TTC3: variants seen among roughly 807,000 people sequenced by gnomAD.
TTC3 encodes the protein E3 ubiquitin-protein ligase TTC3.
A neutral mutation model predicts 249.6 loss-of-function variants in TTC3; 180 were observed. The ratio of observed to expected loss-of-function variants is 0.72; its 90% CI spans 0.64 to 0.82. TTC3 has a LOEUF of 0.82. TTC3 is among the 40% of genes least tolerant of loss of function. The probability of loss-of-function intolerance (pLI) is 0.00; values close to 1 mark genes in which losing one functional copy is unlikely to be tolerated. For missense variants in TTC3, 2,061 were observed against 2,398.4 expected (o/e 0.86, Z 2.94); for synonymous variants, 717 against 805.0 (o/e 0.89, Z 1.85).
intron 2 of TTC3, 67 bp downstream of exon 2, chr21:37,087,468 C>T: frequency 6.3e-7 from 1 of 1,575,170 alleles, no homozygotes; most frequent in South Asian, 1.2e-5. Flanking sequence ...TTAGGGCTAT[C>T]TGAGTAAAGA....
At chr21:37,147,436 C>A in intron 21 of TTC3, 45 bp from the exon 22 acceptor site, 1 of 1,497,562 alleles carries the variant, frequency 6.7e-7, no homozygotes, top group Non-Finnish European at 8.9e-7. Flanking sequence ...TTTTTATTGA[C>A]AGATTAGTAT....
intron 1 of TTC3, chr21:37,082,584 G>A (rs1368621915): frequency 1.0e-6 from 1 of 985,156 alleles, no homozygotes; most frequent in Non-Finnish European, 1.2e-6. Context: ...ACTGCTCTTG[G>A]CACCACTACT....
At chr21:37,091,204 A>G in intron 6 of TTC3, 89 bp from the exon 7 acceptor site, 1 of 1,417,134 alleles carries the variant, frequency 7.1e-7, no homozygotes. Context: ...TAAGGATCTG[A>G]AATACTTGCA....
At chr21:37,078,631 A>T (rs1441359292) in intron 1 of TTC3, among the ~76,000 whole-genome samples, 1 of 152,162 alleles carries the variant, frequency 6.6e-6, no homozygotes, top group African/African-American at 2.4e-5. Context: ...AAATTTAATG[A>T]ATTTTTAAAA....
intron 13 of TTC3, among the ~76,000 whole-genome samples, chr21:37,124,112 C>CTGTTTTTTTTTTTTTTTTT (rs2076851310): frequency 1.6e-5 from 1 of 61,272 alleles, no homozygotes; most frequent in Non-Finnish European, 2.8e-5. Context: ...TTGAACTGTT[C>CTGTTTTTTTTTTTTTTTTT]TTTTTTTTTT....
chr21:37,090,616 A>G, intron 6 of TTC3: 2 of 808,454 alleles, frequency 2.5e-6, no homozygotes, highest in Non-Finnish European at 3.0e-6. Context: ...TTATATAATT[A>G]CTAGGTAATC....
chr21:37,176,567 C>T (rs1362793286), intron 35 of TTC3, among the ~76,000 whole-genome samples: 1 of 152,186 alleles, frequency 6.6e-6, no homozygotes, highest in African/African-American at 2.4e-5. Context: ...CACACTGGTG[C>T]AGAGGTGGGA....
At chr21:37,187,000 C>A in intron 37 of TTC3, 49 bp from the exon 38 acceptor site, 1 of 1,202,522 alleles carries the variant, frequency 8.3e-7, no homozygotes, top group Non-Finnish European at 1.1e-6. Flanking sequence ...TGTCATCTCA[C>A]TGTGAAATTT....
In TTC3 at chr21:37,145,980, C is replaced by A. The variant is rs149022335; in HGVS notation, c.1893+1335C>A. 3.8e-3 allele frequency among the ~76,000 whole-genome samples: 575 copies of A among 152,342 alleles called. 4 individuals are homozygous for A. Among genetic ancestry groups the A allele is most frequent in the Non-Finnish European group, 6.9e-3 (469 of 68,032 alleles). On this transcript the variant is annotated intron_variant, in intron 21 of 45. Transcript: ENST00000355666. ...TGTGTGGTTTGGAGGGTCAAACATTCAAACTGTAGCATACCATATGATCCA... is the reference window on the plus strand; with the variant it reads ...TGTGTGGTTTGGAGGGTCAAACATTAAAACTGTAGCATACCATATGATCCA...
intron 16 of TTC3, 116 bp downstream of exon 16, chr21:37,129,179 C>A: frequency 2.0e-6 from 1 of 500,166 alleles, no homozygotes; most frequent in Admixed American, 4.1e-5. Flanking sequence ...ATGATGACTA[C>A]CAAAATCCCT....
chr21:37,182,720 T>G (rs1211771841), intron 35 of TTC3, 54 bp from the exon 36 acceptor site: 3 of 1,475,732 alleles, frequency 2.0e-6, no homozygotes, highest in South Asian at 1.3e-5. Context: ...TTCAGTCTCT[T>G]TTGTTAAAAA....
At position 37,126,060 on chromosome 21, in the gene TTC3, C is replaced by A; in HGVS notation, c.1234-20C>A. The A allele has an allele frequency of 2.7e-6, 4 of 1,490,492 alleles. No homozygotes were observed. The highest frequency in any genetic ancestry group is 2.4e-5 in the East Asian group (1 of 41,514). The allele number at this position is 1,490,492 out of a possible 1,614,324, so 92.3% of individuals were successfully genotyped here. On this transcript the variant is annotated intron_variant, in intron 14 of 45. Transcript: ENST00000355666. Reference sequence around the variant, plus strand: ...TGGGTTGTTTTTTTTTTTTTTAAGTCTCACTAATTTCATTGGCAGGTGGCG... The same window carrying A: ...TGGGTTGTTTTTTTTTTTTTTAAGTATCACTAATTTCATTGGCAGGTGGCG...
rs144256287 is a variant in TTC3 at position 37,110,945 on chromosome 21, C to T, written c.900+2499C>T. Among the ~76,000 whole-genome samples the T allele has an allele frequency of 5.3e-5, 8 of 152,260 alleles. No individual in the cohort carries two copies. The East Asian group carries it at 1.5e-3, about 29-fold the overall frequency. On this transcript the variant is annotated intron_variant, in intron 11 of 45. Transcript: ENST00000355666. ...AATTTTCAACCCAGAATTTCATATCCAGCCAAACTAAGCTTCATAAGTGAG... is the reference window on the plus strand; with the variant it reads ...AATTTTCAACCCAGAATTTCATATCTAGCCAAACTAAGCTTCATAAGTGAG...
At chr21:37,084,191 T>C (rs1275184449) in intron 1 of TTC3, 8 of 151,956 alleles carry the variant, frequency 5.3e-5, no homozygotes, top group African/African-American at 1.9e-4. Context: ...AGAGTTGACA[T>C]TGGGTGGCGG....
rs536689620 is a variant in TTC3 at position 37,104,154 on chromosome 21, T to C, written c.846-4238T>C. ...CGTGGTTGGTGTTGGAACTTGAGAG[T>C]GAAGGTGGTTGGAACTGTTCTGACG... is the stretch of plus-strand genomic sequence containing the variant. On this transcript the variant is annotated intron_variant, in intron 10 of 45. Transcript: ENST00000355666. 5.3e-5 allele frequency among the ~76,000 whole-genome samples: 8 copies of C among 151,982 alleles called. No individual in the cohort carries two copies. In the East Asian group the frequency reaches 9.7e-4, roughly 18 times the overall value.
intron 16 of TTC3, 45 bp downstream of exon 16, chr21:37,129,108 C>T: frequency 7.1e-7 from 1 of 1,411,090 alleles, no homozygotes; most frequent in Non-Finnish European, 9.6e-7. Flanking sequence ...TTAATATACT[C>T]TTCCCAAGAA....
chr21:37,138,593 A>G, intron 18 of TTC3, 41 bp from the exon 19 acceptor site: 1 of 1,444,114 alleles, frequency 6.9e-7, no homozygotes, highest in Non-Finnish European at 9.7e-7. Flanking sequence ...AATTGGGCAG[A>G]ATTATATTCA....
At chr21:37,153,581 C>T (rs2079696750) in intron 27 of TTC3, among the ~76,000 whole-genome samples, 1 of 152,130 alleles carries the variant, frequency 6.6e-6, no homozygotes, top group Non-Finnish European at 1.5e-5. Context: ...CACACACACG[C>T]ACACCACAAT....
chr21:37,095,630 C>T, intron 9 of TTC3, 186 bp downstream of exon 9: 1 of 411,546 alleles, frequency 2.4e-6, no homozygotes, highest in Non-Finnish European at 4.3e-6. Context: ...AACGTAGTAG[C>T]ATAACTCAAG....
Sources: gnomAD v4.1 joint callset for allele counts (sites outside exome capture counted in the v4.1 genomes callset) on GRCh38, gnomAD v4.1.1 for gene constraint, MANE v1.5 for transcripts, NCBI Gene and HGNC (gene_info 2026-07-23, HGNC 2026-07-21) for gene names.